The following CNGB3 variants were observed in gnomAD, a reference collection of about 807,000 sequenced individuals.
CNGB3 encodes the protein cyclic nucleotide gated channel subunit beta 3, also known as cyclic nucleotide-gated channel beta-3.
A neutral mutation model predicts 92.8 loss-of-function variants in CNGB3; 86 were observed. The observed-to-expected ratio is 0.93, with a 90% CI of 0.78 to 1.11. The LOEUF (loss-of-function observed/expected upper bound fraction) is 1.11, where lower values mean the gene tolerates loss of function less well. Among genes scored for constraint, CNGB3 ranks in the 50% least tolerant of loss-of-function variants. CNGB3 has a pLI of 0.00. For missense variants in CNGB3, 1,026 were observed against 956.8 expected, an observed-to-expected ratio of 1.07 and a Z score of -0.95; for synonymous variants, 333 against 332.7, an observed-to-expected ratio of 1.00 and a Z score of -0.01.
chr8:86,600,895 G>T (rs1822285184), intron 15 of CNGB3, among the ~76,000 whole-genome samples: 1 of 147,486 alleles, frequency 6.8e-6, no homozygotes, highest in Admixed American at 7.0e-5. Flanking sequence ...CTCCCAACGT[G>T]TTGGGATTAC....
intron 15 of CNGB3, among the ~76,000 whole-genome samples, chr8:86,580,232 C>T (rs149652470): frequency 2.9e-3 from 442 of 152,174 alleles, no homozygotes; most frequent in Non-Finnish European, 5.3e-3. Flanking sequence ...ATCCAGTCAC[C>T]TCCCATCAGG....
At chr8:86,719,945 T>C (rs1407009167) in intron 3 of CNGB3, among the ~76,000 whole-genome samples, 3 of 152,168 alleles carry the variant, frequency 2.0e-5, no homozygotes, top group Non-Finnish European at 4.4e-5. Flanking sequence ...GCAAGCCACA[T>C]GTAGAAGAAC....
At position 86,628,958 on chromosome 8, in the gene CNGB3, T is replaced by C. The variant is rs749710977; in HGVS notation, c.1441A>G (p.Thr481Ala). ...IPKLVQKRVR[T>A]WYEYTWDSQR... Reference sequence around the variant, plus strand: ...GAGTCCCATGTATATTCATACCAAGTCCGAACTCGCTTTTGCACAAGTTTA... The same window carrying C: ...GAGTCCCATGTATATTCATACCAAGCCCGAACTCGCTTTTGCACAAGTTTA... The change falls in exon 12 of 18, where the codon ACT (threonine) becomes GCT (alanine). Residue 481 changes from threonine to alanine, a missense_variant. Transcript: ENST00000320005. The C allele has an allele frequency of 6.2e-7, 1 of 1,613,946 alleles. No homozygotes were observed. The highest frequency in any genetic ancestry group is 1.1e-5 in the South Asian group (1 of 91,082).
At chr8:86,673,793 T>TA (rs869216553) in intron 3 of CNGB3, among the ~76,000 whole-genome samples, 2 of 3,100 alleles carry the variant, frequency 6.5e-4, no homozygotes, top group South Asian at 0.056. Context: ...CATGAAAAAA[T>TA]TTTTTGTGTG....
rs1824556435 is a variant in CNGB3, at chr8:86,701,536, T to C, written c.338+24995A>G. On this transcript the variant is annotated intron_variant, in intron 3 of 17. Coordinates refer to ENST00000320005, the MANE Select transcript of CNGB3 (RefSeq NM_019098.5). ...TCTAGATAAATAATTACTCAGTTTT[T>C]GAAGACAGGCTCTCTGTGGACTGCT... Among the ~76,000 whole-genome samples, 3 of 152,178 alleles carry C rather than the reference T, an allele frequency of 2.0e-5. No individual in the cohort carries two copies. In the South Asian group the frequency reaches 6.2e-4, roughly 32 times the overall value.
At chr8:86,608,830 C>G (rs904910288) in intron 14 of CNGB3, among the ~76,000 whole-genome samples, 1 of 152,204 alleles carries the variant, frequency 6.6e-6, no homozygotes, top group Admixed American at 6.5e-5. Flanking sequence ...GACTCACACT[C>G]TTTACCCTGC....
At position 86,719,023 on chromosome 8, in the gene CNGB3, A is replaced by C. The variant is rs528075323; in HGVS notation, c.338+7508T>G. ...ACTGGCATAGAAGGTACATACCTTA[A>C]GGTAATAAAAGCCATCTATGATAAA... On this transcript the variant is annotated intron_variant, in intron 3 of 17. Transcript: ENST00000320005. 3.3e-5 allele frequency among the ~76,000 whole-genome samples: 5 copies of C among 152,150 alleles called. No individual in the cohort carries two copies. The East Asian group carries it at 9.6e-4, about 29-fold the overall frequency.
At chr8:86,657,448 G>C in intron 6 of CNGB3, 1 of 515,886 alleles carries the variant, frequency 1.9e-6, no homozygotes, top group Non-Finnish European at 4.0e-6. Flanking sequence ...AGGGGTTGCT[G>C]CCCAAGCCTG....
At chr8:86,646,285 C>T (rs1823291267) in intron 8 of CNGB3, among the ~76,000 whole-genome samples, 1 of 150,866 alleles carries the variant, frequency 6.6e-6, no homozygotes, top group African/African-American at 2.4e-5. Context: ...ATGGTCAAAC[C>T]AGAAGTCTCT....
chr8:86,659,317 G>C, intron 6 of CNGB3: 1 of 1,147,088 alleles, frequency 8.7e-7, no homozygotes, highest in Non-Finnish European at 1.3e-6. Flanking sequence ...AGCTGTGCCT[G>C]CTCCTCCATG....
At chr8:86,730,083 C>G (rs1825132867) in intron 2 of CNGB3, among the ~76,000 whole-genome samples, 3 of 152,170 alleles carry the variant, frequency 2.0e-5, no homozygotes, top group South Asian at 4.1e-4. Flanking sequence ...AGAGTTTGCT[C>G]TCCACACACC....
intron 12 of CNGB3, 113 bp downstream of exon 12, chr8:86,628,806 A>C: frequency 1.8e-6 from 2 of 1,122,812 alleles, no homozygotes; most frequent in Non-Finnish European, 2.7e-6. Flanking sequence ...TTTAAGGATC[A>C]TTTAGTTGTT....
At chr8:86,594,621 G>T (rs983813801) in intron 15 of CNGB3, 2 of 214,648 alleles carry the variant, frequency 9.3e-6, no homozygotes, top group Non-Finnish European at 1.9e-5. Flanking sequence ...CAGCGAGTGT[G>T]TCCCTGACTG....
At chr8:86,629,436 G>A (rs887851868) in intron 11 of CNGB3, among the ~76,000 whole-genome samples, 3 of 152,188 alleles carry the variant, frequency 2.0e-5, no homozygotes, top group Admixed American at 6.5e-5. Context: ...GTATTTTACT[G>A]CAGAAATGTT....
intron 4 of CNGB3, 103 bp from the exon 5 acceptor site, chr8:86,668,271 G>A (rs1823783963): frequency 8.4e-7 from 1 of 1,195,142 alleles, no homozygotes; most frequent in Non-Finnish European, 1.2e-6. Context: ...TCACTCATAA[G>A]TGGGAGTTGA....
intron 3 of CNGB3, among the ~76,000 whole-genome samples, chr8:86,696,919 G>A (rs892303009): frequency 2.6e-5 from 4 of 152,036 alleles, no homozygotes; most frequent in Non-Finnish European, 4.4e-5. Flanking sequence ...AAAATAATGA[G>A]TTATAGTATA....
At chr8:86,675,763 T>G (rs1420234968) in intron 3 of CNGB3, among the ~76,000 whole-genome samples, 1 of 152,216 alleles carries the variant, frequency 6.6e-6, no homozygotes. Flanking sequence ...AGAATAAAAT[T>G]TGTGACTTTT....
In CNGB3 at chr8:86,575,926, C is replaced by A. The variant is rs78239264; in HGVS notation, c.2308G>T (p.Val770Phe). Residue 770 changes from valine to phenylalanine, a missense_variant, in exon 18 of 18, where the codon GTT (valine) becomes TTT (phenylalanine). Physicochemically the swap from Val to Phe is conservative, Grantham distance 50. Transcript: ENST00000320005. ...CCTCTGGGTAAAACTGTCCTTCTAA[C>A]TGAGTGGGGTTCTTCCTCCACTGCA... Reference protein sequence around the residue: ...PIAVEEEPHSVRRTVLPRGTS... With the variant: ...PIAVEEEPHSFRRTVLPRGTS... 366 of 1,613,878 alleles carry A rather than the reference C, an allele frequency of 2.3e-4. 1 individual carries two copies. Among genetic ancestry groups the A allele is most frequent in the Non-Finnish European group, 2.8e-4 (327 of 1,179,968 alleles).
At chr8:86,684,165 C>G (rs536265532) in intron 3 of CNGB3, among the ~76,000 whole-genome samples, 29 of 152,182 alleles carry the variant, frequency 1.9e-4, no homozygotes, top group African/African-American at 6.7e-4. Flanking sequence ...CCAAAACAAT[C>G]TAATTATGAA....
Sources: gnomAD v4.1 joint callset for allele counts (sites outside exome capture counted in the v4.1 genomes callset) on GRCh38, gnomAD v4.1.1 for gene constraint, MANE v1.5 for transcripts, NCBI Gene and HGNC (gene_info 2026-07-23, HGNC 2026-07-21) for gene names.